The following PACS1 variants were observed in gnomAD, a reference collection of about 807,000 sequenced individuals.
The protein encoded by PACS1 is phosphofurin acidic cluster sorting protein 1, also known as PACS-1.
Under a neutral mutation model 115.0 loss-of-function variants are expected in PACS1, and 24 were observed. That is an observed-to-expected ratio of 0.21 (90% CI 0.15 to 0.29). The LOEUF is 0.29. Among genes scored for constraint, PACS1 ranks in the 10% least tolerant of loss-of-function variants. PACS1 has a pLI of 1.00. For missense variants in PACS1, 838 were observed against 1,251.2 expected, an observed-to-expected ratio of 0.67 and a Z score of 4.98; for synonymous variants, 453 against 504.5, an observed-to-expected ratio of 0.90 and a Z score of 1.37.
intron 1 of PACS1, among the ~76,000 whole-genome samples, chr11:66,153,366 T>G (rs554137993): frequency 1.3e-5 from 2 of 152,286 alleles, no homozygotes; most frequent in East Asian, 3.9e-4. Context: ...ACATATAGGT[T>G]GGTCACAGTG....
At chr11:66,183,085 A>G (rs1436754409) in intron 1 of PACS1, among the ~76,000 whole-genome samples, 1 of 152,148 alleles carries the variant, frequency 6.6e-6, no homozygotes, top group African/African-American at 2.4e-5. Flanking sequence ...AGCTGAGATC[A>G]TCCCACTGCA....
chr11:66,225,004 G>A (rs534514831), intron 10 of PACS1, among the ~76,000 whole-genome samples: 26 of 152,294 alleles, frequency 1.7e-4, no homozygotes, highest in Middle Eastern at 6.8e-3. Flanking sequence ...CAAGGCTTGA[G>A]CACACAATGG....
chr11:66,118,486 C>T (rs748982283), intron 1 of PACS1, among the ~76,000 whole-genome samples: 11 of 152,058 alleles, frequency 7.2e-5, no homozygotes, highest in Non-Finnish European at 1.2e-4. Flanking sequence ...GTTGTGTGCA[C>T]TGGTAGTCCC....
chr11:66,161,267 G>T (rs765532806), intron 1 of PACS1, among the ~76,000 whole-genome samples: 2 of 151,974 alleles, frequency 1.3e-5, no homozygotes, highest in African/African-American at 2.4e-5. Context: ...TGTAATTTCC[G>T]TGACTGGCAG....
rs1240096384 is a variant in PACS1 at position 66,070,735 on chromosome 11, C to T, written c.249C>T (p.Gly83=). The change falls in exon 1 of 24, where the codon GGC becomes GGT. Residue 83 remains glycine, a synonymous_variant. Coordinates refer to ENST00000320580, the MANE Select transcript of PACS1 (RefSeq NM_018026.4). The surrounding 1 kb of genome is among the most constrained non-coding windows in gnomAD (Gnocchi z 5.9). ...STSMAVAVAS[G]SAPPGGPGPG... The stretch of plus-strand genomic sequence containing the variant: ...CCATGGCCGTGGCGGTGGCCTCGGG[C>T]TCCGCGCCTCCCGGTGGCCCGGGGC... The T allele has an allele frequency of 1.3e-6, 2 of 1,565,462 alleles. No individual in the cohort carries two copies. Among genetic ancestry groups the T allele is most frequent in the African/African-American group, 1.4e-5 (1 of 71,456 alleles).
intron 2 of PACS1, among the ~76,000 whole-genome samples, chr11:66,197,820 A>T (rs574458460): frequency 6.6e-6 from 1 of 152,272 alleles, no homozygotes; most frequent in Admixed American, 6.5e-5. Flanking sequence ...AATAAATAAA[A>T]AATTCCACAG....
At chr11:66,166,305 AC>A (rs1411184043) in intron 1 of PACS1, among the ~76,000 whole-genome samples, 1 of 151,902 alleles carries the variant, frequency 6.6e-6, no homozygotes, top group Admixed American at 6.6e-5. Context: ...CCGCCACTAC[AC>A]CCAGCTAATT....
chr11:66,145,607 A>C (rs1040039491), intron 1 of PACS1, among the ~76,000 whole-genome samples: 8 of 152,210 alleles, frequency 5.3e-5, no homozygotes, highest in Non-Finnish European at 7.3e-5. Flanking sequence ...CATGCAGGTA[A>C]AACTAGAGAG....
At chr11:66,223,075 A>C (rs1855391334) in intron 10 of PACS1, among the ~76,000 whole-genome samples, 1 of 151,808 alleles carries the variant, frequency 6.6e-6, no homozygotes, top group African/African-American at 2.4e-5. Flanking sequence ...AAAAAAAAAA[A>C]AAACTCTTTC....
At chr11:66,228,997 A>G (rs1855524012) in intron 11 of PACS1, among the ~76,000 whole-genome samples, 1 of 151,670 alleles carries the variant, frequency 6.6e-6, no homozygotes, top group South Asian at 2.1e-4. Context: ...TTAGGGAGGT[A>G]GTGGGCCCAG....
intron 1 of PACS1, among the ~76,000 whole-genome samples, chr11:66,182,387 C>T (rs901562016): frequency 1.3e-5 from 2 of 152,048 alleles, no homozygotes; most frequent in Non-Finnish European, 2.9e-5. Flanking sequence ...TTTTCTCATT[C>T]GCTGATATTC....
chr11:66,243,389 GGTCT>G lies in PACS1; in HGVS notation c.*111_*114del, dbSNP rs989499495. 2 of 731,598 alleles carry G rather than the reference GGTCT, an allele frequency of 2.7e-6. No homozygotes were observed. Among genetic ancestry groups the G allele is most frequent in the Non-Finnish European group, 4.6e-6 (2 of 435,848 alleles). The allele number at this position is 731,598 out of a possible 1,614,324, so 45.3% of individuals were successfully genotyped here. ...CCCAGCACCCCTTCCCTGGCACCAG[GGTCT>G]GCCTCTCACTCGCCCAGGTCCCGAA... On this transcript the variant is annotated 3_prime_UTR_variant, in exon 24 of 24. Transcript: ENST00000320580.
At chr11:66,132,485 T>C (rs951742680) in intron 1 of PACS1, among the ~76,000 whole-genome samples, 1 of 152,204 alleles carries the variant, frequency 6.6e-6, no homozygotes, top group African/African-American at 2.4e-5. Context: ...ACACTGTATT[T>C]GCATATAACC....
At chr11:66,073,870 A>G (rs1857353019) in intron 1 of PACS1, among the ~76,000 whole-genome samples, 1 of 148,450 alleles carries the variant, frequency 6.7e-6, no homozygotes. Flanking sequence ...CTCCAGCCTC[A>G]GCCTCCCAAG....
intron 10 of PACS1, among the ~76,000 whole-genome samples, chr11:66,223,054 C>CA (rs71461612): frequency 0.013 from 992 of 74,872 alleles, 15 homozygotes; most frequent in African/African-American, 0.027. Flanking sequence ...CCTCGATTTA[C>CA]AAAAAAAAAA....
At chr11:66,137,029 C>CA (rs899588530) in intron 1 of PACS1, among the ~76,000 whole-genome samples, 1 of 149,124 alleles carries the variant, frequency 6.7e-6, no homozygotes, top group Non-Finnish European at 1.5e-5. Flanking sequence ...ATTGCCCCCC[C>CA]CCCCACCATT....
intron 2 of PACS1, among the ~76,000 whole-genome samples, chr11:66,205,240 G>A (rs973544656): frequency 1.1e-4 from 17 of 151,798 alleles, no homozygotes; most frequent in African/African-American, 2.4e-4. Flanking sequence ...CCGCCTCAGC[G>A]TCCCAAAGTG....
intron 1 of PACS1, among the ~76,000 whole-genome samples, chr11:66,161,095 G>A (rs914940386): frequency 6.6e-6 from 1 of 152,222 alleles, no homozygotes; most frequent in Non-Finnish European, 1.5e-5. Context: ...AGGCGAGGCA[G>A]AGGTAAGTGT....
rs545627152 is a variant in PACS1, at chr11:66,132,514, T to C, written c.357-60972T>C. Among the ~76,000 whole-genome samples, 3 of 152,292 alleles carry C rather than the reference T, an allele frequency of 2.0e-5. No individual in the cohort carries two copies. The East Asian group carries it at 5.8e-4, about 29-fold the overall frequency. On this transcript the variant is annotated intron_variant, in intron 1 of 23. Coordinates refer to ENST00000320580, the MANE Select transcript of PACS1 (RefSeq NM_018026.4). ...TATAACCTACACACATCCTCCCTCGTACTTTAATCTCTTGAATACTTATAA... is the reference window on the plus strand; with the variant it reads ...TATAACCTACACACATCCTCCCTCGCACTTTAATCTCTTGAATACTTATAA...
Sources: gnomAD v4.1 joint callset for allele counts (sites outside exome capture counted in the v4.1 genomes callset) on GRCh38, gnomAD v4.1.1 for gene constraint, Gnocchi (gnomAD v3.1) non-coding constraint, MANE v1.5 for transcripts, NCBI Gene and HGNC (gene_info 2026-07-23, HGNC 2026-07-21) for gene names.